The following NID2 variants were observed in gnomAD, a reference collection of about 807,000 sequenced individuals.
NID2 encodes the protein nidogen 2, also known as nidogen-2.
In NID2, 83 loss-of-function variants were observed where a neutral mutation model predicts 145.4. That is an observed-to-expected ratio of 0.57 (90% CI 0.48 to 0.69). The LOEUF (loss-of-function observed/expected upper bound fraction) is 0.69. NID2 is among the 30% of genes least tolerant of loss of function. The probability of loss-of-function intolerance (pLI) is 0.00; values close to 1 mark genes in which losing one functional copy is unlikely to be tolerated. For synonymous variants in NID2, 739 were observed against 701.3 expected (o/e 1.05, Z -0.85); for missense variants, 1,807 against 1,765.7 (o/e 1.02, Z -0.42).
At chr14:52,031,031 A>C (rs1198409279) in intron 9 of NID2, among the ~76,000 whole-genome samples, 1 of 152,210 alleles carries the variant, frequency 6.6e-6, no homozygotes, top group African/African-American at 2.4e-5. Context: ...AGGGTTACAC[A>C]GTCAGAAGAG....
At chr14:52,052,731 C>G (rs1308551058) in intron 5 of NID2, among the ~76,000 whole-genome samples, 1 of 152,166 alleles carries the variant, frequency 6.6e-6, no homozygotes, top group Non-Finnish European at 1.5e-5. Flanking sequence ...CATGGAGATT[C>G]AGAACAAAGC....
At position 52,006,647 on chromosome 14, in the gene NID2, C is replaced by T. The variant is rs780130939; in HGVS notation, c.3894G>A (p.Leu1298=). ...CAGTTCCATCAGGTAGTGTACACTCCAGTTTTTTGGTTCCTTTTAAAACAA... is the reference window on the plus strand; with the variant it reads ...CAGTTCCATCAGGTAGTGTACACTCTAGTTTTTTGGTTCCTTTTAAAACAA... ...LCWADAGTKK[L]ECTLPDGTGR... is the part of the protein sequence containing the mutation. The change falls in exon 20 of 22, where the codon CTG becomes CTA. Residue 1298 remains leucine (L), a synonymous_variant. Coordinates refer to ENST00000216286, the MANE Select transcript of NID2 (RefSeq NM_007361.4). 3 of 1,613,330 alleles carry T rather than the reference C, an allele frequency of 1.9e-6. No individual in the cohort carries two copies. In the South Asian group the frequency reaches 3.3e-5, roughly 18 times the overall value.
chr14:52,029,313 A>G (rs1011640842), intron 10 of NID2, among the ~76,000 whole-genome samples: 4 of 152,222 alleles, frequency 2.6e-5, no homozygotes, highest in Non-Finnish European at 1.5e-5. Flanking sequence ...ACTGCAACAG[A>G]TGTTTTCTTT....
intron 8 of NID2, among the ~76,000 whole-genome samples, chr14:52,040,395 C>T (rs1037933879): frequency 2.0e-5 from 3 of 152,120 alleles, no homozygotes; most frequent in African/African-American, 7.2e-5. Flanking sequence ...CTACCCACCC[C>T]ATGGACAATG....
chr14:52,016,743 C>T (rs1205633879), intron 14 of NID2, among the ~76,000 whole-genome samples: 2 of 152,140 alleles, frequency 1.3e-5, no homozygotes, highest in Non-Finnish European at 2.9e-5. Flanking sequence ...CAGAATGGCC[C>T]ATTTTAAACA....
At chr14:52,010,761 G>A in intron 18 of NID2, 115 bp downstream of exon 18, 1 of 989,384 alleles carries the variant, frequency 1.0e-6, no homozygotes, top group African/African-American at 1.6e-5. Flanking sequence ...TTTGTTACAT[G>A]AATGCATTTG....
Position 52,067,958 on chromosome 14 carries a change from G to T in NID2, c.434C>A (p.Pro145Gln), listed in dbSNP as rs1019114877. ...GGTGGGGGTAAAGCGCGCAGAGCGC[G>T]GGAAGCCAGCGCGCACATAGCGGGC... ...LAARYVRAGF[P>Q]RSARFTPTHA... is the part of the protein sequence containing the mutation. Residue 145 changes from proline (P) to glutamine (Q), a missense_variant, in exon 2 of 22, where the codon CCG (proline) becomes CAG (glutamine). Coordinates refer to ENST00000216286, the MANE Select transcript of NID2 (RefSeq NM_007361.4). 7.4e-6 allele frequency: 12 copies of T among 1,611,452 alleles called. No homozygotes were observed. The highest frequency in any genetic ancestry group is 1.3e-5 in the African/African-American group (1 of 74,838).
rs1131484 is a variant in NID2, at chr14:52,019,083, C to T, written c.3006G>A (p.Pro1002=). ...CACCTGGTGATGGTCCACAGTGAGG[C>T]GGGGTGGAGCCAGGTGGAGTCTGGG... The part of the protein sequence containing the change: ...PGTQTPPGST[P]PHCGPSPEPT... The change falls in exon 14 of 22, where the codon CCG becomes CCA. Residue 1002 remains proline (P), a synonymous_variant. Transcript: ENST00000216286. 4.7e-4 allele frequency: 760 copies of T among 1,613,916 alleles called. 2 individuals are homozygous for T. In the African/African-American group the frequency reaches 8.4e-3, roughly 18 times the overall value.
intron 12 of NID2, 193 bp from the exon 13 acceptor site, chr14:52,020,371 A>T: frequency 1.2e-6 from 1 of 830,558 alleles, no homozygotes; most frequent in South Asian, 1.9e-5. Flanking sequence ...AAAAAAATCA[A>T]GGAACATGTG....
intron 9 of NID2, among the ~76,000 whole-genome samples, chr14:52,035,637 T>A (rs1056894774): frequency 1.3e-5 from 2 of 149,538 alleles, no homozygotes; most frequent in African/African-American, 4.9e-5. Flanking sequence ...CTGTACCCGA[T>A]GAGAATGGTT....
chr14:52,010,750 C>CT, intron 18 of NID2, 126 bp downstream of exon 18: 2 of 921,322 alleles, frequency 2.2e-6, no homozygotes, highest in Non-Finnish European at 3.3e-6. Flanking sequence ...CTCAGTAAAT[C>CT]TTTGTTACAT....
At position 52,040,648 on chromosome 14, in the gene NID2, T is replaced by C; in HGVS notation, c.2026+3A>G. 1.2e-6 allele frequency: 2 copies of C among 1,613,168 alleles called. No individual in the cohort carries two copies. The highest frequency in any genetic ancestry group is 1.7e-6 in the Non-Finnish European group (2 of 1,179,128). ...TACAGATGTGAAGACTGGTTATACA[T>C]ACTGGAGTCGGAGTAGTGGTACAGC... is the stretch of plus-strand genomic sequence containing the variant. On this transcript the variant is annotated splice_donor_region_variant and intron_variant, in intron 8 of 21. Coordinates refer to ENST00000216286, the MANE Select transcript of NID2 (RefSeq NM_007361.4).
At chr14:52,065,574 TAC>T (rs1274622703) in intron 2 of NID2, among the ~76,000 whole-genome samples, 2 of 132,322 alleles carry the variant, frequency 1.5e-5, no homozygotes, top group Non-Finnish European at 3.1e-5. Flanking sequence ...TACATATGTA[TAC>T]ATGTGCCATG....
chr14:52,049,168 A>T (rs1016512604), intron 5 of NID2, among the ~76,000 whole-genome samples: 7 of 102,820 alleles, frequency 6.8e-5, no homozygotes, highest in Non-Finnish European at 1.3e-4. Context: ...AGATTTTTTA[A>T]ATCTCTTTTT....
chr14:52,010,213 C>T (rs1890956475), intron 18 of NID2: 4 of 152,166 alleles, frequency 2.6e-5, no homozygotes, highest in Admixed American at 2.6e-4. Context: ...AAAATTAAAG[C>T]TGAAGGTTTT....
chr14:52,068,461 G>A (rs1893303283), intron 1 of NID2, among the ~76,000 whole-genome samples: 1 of 152,206 alleles, frequency 6.6e-6, no homozygotes, highest in African/African-American at 2.4e-5. Flanking sequence ...CCCCAGCTCC[G>A]CAGACGGGCA....
Position 52,006,056 on chromosome 14 carries a change from G to C in NID2, c.4005-207C>G, listed in dbSNP as rs1890767442. The C allele has an allele frequency of 5.4e-6, 3 of 555,494 alleles. No homozygotes were observed. In the South Asian group the frequency reaches 6.0e-5, roughly 11 times the overall value. The allele number at this position is 555,494 out of a possible 1,614,324, so 34.4% of individuals were successfully genotyped here. The stretch of plus-strand genomic sequence containing the variant: ...GCTGCATGTTAGAATCACATGATGA[G>C]CTATCAAATCAGAGTTGTAGGGCAT... On this transcript the variant is annotated intron_variant, in intron 20 of 21. Transcript: ENST00000216286.
At chr14:52,031,501 T>C (rs1891871560) in intron 9 of NID2, among the ~76,000 whole-genome samples, 1 of 152,192 alleles carries the variant, frequency 6.6e-6, no homozygotes, top group South Asian at 2.1e-4. Flanking sequence ...AGGTTCTACA[T>C]TGAGCCATCT....
At chr14:52,049,107 C>T (rs1468764396) in intron 5 of NID2, among the ~76,000 whole-genome samples, 1 of 152,076 alleles carries the variant, frequency 6.6e-6, no homozygotes, top group Non-Finnish European at 1.5e-5. Context: ...CTCATTTTGT[C>T]ATGGATTTGT....
Sources: allele counts gnomAD v4.1 joint callset (sites outside exome capture counted in the v4.1 genomes callset), GRCh38; gene constraint gnomAD v4.1.1; transcripts MANE v1.5; gene names NCBI Gene and HGNC (gene_info 2026-07-23, HGNC 2026-07-21).